RIT2: variants seen among roughly 807,000 people sequenced by gnomAD.
RIT2 encodes the protein Ras like without CAAX 2.
In RIT2, 24 loss-of-function variants were observed where a neutral mutation model predicts 23.7. The observed-to-expected ratio is 1.01, with a 90% CI of 0.73 to 1.43. The LOEUF (loss-of-function observed/expected upper bound fraction) is 1.43. RIT2 is among the 40% of genes most tolerant of loss of function. The pLI is 0.00. For synonymous variants in RIT2, 107 were observed against 91.1 expected (o/e 1.17, Z -0.99); for missense variants, 236 against 266.9 (o/e 0.88, Z 0.81).
At chr18:42,877,169 A>T (rs746839968) in intron 4 of RIT2, among the ~76,000 whole-genome samples, 1 of 151,908 alleles carries the variant, frequency 6.6e-6, no homozygotes, top group Non-Finnish European at 1.5e-5. Flanking sequence ...TATTAAAAGA[A>T]TCAAGACAGC....
chr18:42,972,494 C>T (rs1055526294), intron 3 of RIT2, among the ~76,000 whole-genome samples: 6 of 151,554 alleles, frequency 4.0e-5, no homozygotes, highest in African/African-American at 1.5e-4. Context: ...AAAATAAGTA[C>T]AAAGGGAAAT....
At chr18:42,832,066 A>C (rs1047407789) in intron 4 of RIT2, among the ~76,000 whole-genome samples, 5 of 152,224 alleles carry the variant, frequency 3.3e-5, no homozygotes, top group African/African-American at 1.2e-4. Flanking sequence ...CCTAGGTTAA[A>C]GGCACATTCA....
At chr18:42,890,680 T>C (rs1400093889) in intron 4 of RIT2, among the ~76,000 whole-genome samples, 1 of 152,118 alleles carries the variant, frequency 6.6e-6, no homozygotes, top group Non-Finnish European at 1.5e-5. Context: ...AAACGTTTAC[T>C]AAATAATGGC....
intron 4 of RIT2, among the ~76,000 whole-genome samples, chr18:42,906,760 T>C (rs1908633831): frequency 6.6e-6 from 1 of 152,216 alleles, no homozygotes; most frequent in African/African-American, 2.4e-5. Context: ...GTCTGCCCCA[T>C]ATCTGTCTGA....
intron 1 of RIT2, among the ~76,000 whole-genome samples, chr18:43,094,974 G>A (rs1323597788): frequency 1.3e-5 from 2 of 151,904 alleles, no homozygotes; most frequent in Non-Finnish European, 2.9e-5. Flanking sequence ...ACAGACATTT[G>A]GGTTGCTTCC....
intron 2 of RIT2, among the ~76,000 whole-genome samples, chr18:42,992,244 A>G (rs928063924): frequency 2.0e-5 from 3 of 152,134 alleles, no homozygotes; most frequent in Non-Finnish European, 4.4e-5. Context: ...ATTTTCTTCT[A>G]CAATGTCACT....
chr18:43,037,858 A>G (rs190618452), intron 1 of RIT2, among the ~76,000 whole-genome samples: 137 of 152,184 alleles, frequency 9.0e-4, no homozygotes, highest in Admixed American at 2.3e-3. Context: ...TGGAGATACT[A>G]AGGATTCTTT....
chr18:42,826,173 A>G (rs1462488718), intron 4 of RIT2, among the ~76,000 whole-genome samples: 5 of 152,064 alleles, frequency 3.3e-5, no homozygotes, highest in Non-Finnish European at 7.4e-5. Flanking sequence ...TTTCACGCAC[A>G]CACAAAAAAT....
chr18:42,991,950 G>A (rs1342653101), intron 2 of RIT2, among the ~76,000 whole-genome samples: 1 of 152,060 alleles, frequency 6.6e-6, no homozygotes, highest in Admixed American at 6.6e-5. Context: ...TCACACAGAT[G>A]CACATGAAAT....
Position 42,923,766 on chromosome 18 carries a change from GC to G in RIT2, c.235-4del. ...TCCCGCATGGCTGTGAATTCTGCCT[GC>G]AGGAAAAAAAAAAAAAAATTAGTTA... On this transcript the variant is annotated splice_polypyrimidine_tract_variant and splice_region_variant and intron_variant, in intron 3 of 4. Coordinates refer to ENST00000326695, the MANE Select transcript of RIT2 (RefSeq NM_002930.4). 3.3e-6 allele frequency: 5 copies of G among 1,531,060 alleles called. No individual in the cohort carries two copies. The highest frequency in any genetic ancestry group is 4.4e-5 in the Admixed American group (2 of 45,282). The allele number at this position is 1,531,060 out of a possible 1,614,324, so 94.8% of individuals were successfully genotyped here.
At chr18:42,893,792 C>A (rs918076449) in intron 4 of RIT2, among the ~76,000 whole-genome samples, 1 of 152,232 alleles carries the variant, frequency 6.6e-6, no homozygotes, top group East Asian at 1.9e-4. Context: ...CCACTGACTT[C>A]ATTCTGTCAT....
intron 2 of RIT2, among the ~76,000 whole-genome samples, chr18:43,026,101 A>T (rs1194986596): frequency 2.0e-5 from 3 of 152,096 alleles, no homozygotes; most frequent in Admixed American, 6.6e-5. Flanking sequence ...TCAGATCAAG[A>T]TGGTAGCAGT....
chr18:42,966,815 C>A (rs1910234909), intron 3 of RIT2, among the ~76,000 whole-genome samples: 1 of 150,474 alleles, frequency 6.6e-6, no homozygotes, highest in African/African-American at 2.5e-5. Context: ...GTCAGATAGA[C>A]ACATATAGAC....
chr18:43,089,174 A>C (rs1288484155), intron 1 of RIT2, among the ~76,000 whole-genome samples: 1 of 152,058 alleles, frequency 6.6e-6, no homozygotes, highest in Non-Finnish European at 1.5e-5. Context: ...TCCTGTTTGA[A>C]GATCCTATAT....
chr18:42,923,442 C>A, intron 4 of RIT2, 130 bp downstream of exon 4: 1 of 799,272 alleles, frequency 1.3e-6, no homozygotes, highest in South Asian at 1.7e-5. Flanking sequence ...ACCACCATGA[C>A]TTATTAGAAA....
At chr18:42,954,504 C>T (rs1036591221) in intron 3 of RIT2, among the ~76,000 whole-genome samples, 2 of 151,262 alleles carry the variant, frequency 1.3e-5, no homozygotes, top group Non-Finnish European at 2.9e-5. Context: ...AGAGAGTAAT[C>T]AATTTGATCT....
intron 3 of RIT2, among the ~76,000 whole-genome samples, chr18:42,940,170 T>C (rs1012288437): frequency 4.1e-5 from 6 of 146,416 alleles, no homozygotes; most frequent in Non-Finnish European, 8.9e-5. Context: ...TCAGTTTAAA[T>C]GCTGCAGGTC....
chr18:43,052,964 C>T (rs981133565), intron 1 of RIT2, among the ~76,000 whole-genome samples: 5 of 151,862 alleles, frequency 3.3e-5, no homozygotes, highest in South Asian at 2.1e-4. Flanking sequence ...CTATTTCATG[C>T]GGATAATTAA....
In RIT2 at chr18:42,746,916, G is replaced by A. The variant is rs553619339; in HGVS notation, c.427-3196C>T. The stretch of plus-strand genomic sequence containing the variant: ...AGGGACCTGCCTTACTGTAATAAAA[G>A]CTATCTATTACAAACTCACAGCCGA... On this transcript the variant is annotated intron_variant, in intron 4 of 4. Transcript: ENST00000326695. 4.0e-4 allele frequency among the ~76,000 whole-genome samples: 61 copies of A among 152,142 alleles called. 1 individual carries two copies. In the South Asian group the frequency reaches 9.7e-3, roughly 24 times the overall value.
Sources: allele counts gnomAD v4.1 joint callset (sites outside exome capture counted in the v4.1 genomes callset), GRCh38; gene constraint gnomAD v4.1.1; transcripts MANE v1.5; gene names NCBI Gene and HGNC (gene_info 2026-07-23, HGNC 2026-07-21).